UQCRFS1: variants seen among roughly 807,000 people sequenced by gnomAD.
UQCRFS1 encodes cytochrome b-c1 complex subunit Rieske, mitochondrial.
A neutral mutation model predicts 15.6 loss-of-function variants in UQCRFS1; 6 were observed. The ratio of observed to expected loss-of-function variants is 0.38; its 90% CI spans 0.21 to 0.76. The LOEUF (loss-of-function observed/expected upper bound fraction) is 0.76. UQCRFS1 is among the 30% of genes least tolerant of loss of function. UQCRFS1 has a pLI of 0.44. For synonymous variants in UQCRFS1, 105 were observed against 154.3 expected, an observed-to-expected ratio of 0.68 and a Z score of 2.37; for missense variants, 203 against 366.7, an observed-to-expected ratio of 0.55 and a Z score of 3.65.
Position 29,213,138 on chromosome 19 carries a change from G to C in UQCRFS1, c.-20C>G, listed in dbSNP as rs1461552551. The C allele has an allele frequency of 2.0e-5, 31 of 1,519,418 alleles. No individual in the cohort carries two copies. Among genetic ancestry groups the C allele is most frequent in the Non-Finnish European group, 2.6e-5 (30 of 1,139,580 alleles). The allele number at this position is 1,519,418 out of a possible 1,614,324, so 94.1% of individuals were successfully genotyped here. A position where few individuals can be genotyped will look rare whatever the true frequency, so the allele number is the denominator to read the frequency against. ...CAACATGGCGACAGCCGCTCCAACCGCCAAGCCGGTCACAGGGACGACCTT... is the reference window on the plus strand; with the variant it reads ...CAACATGGCGACAGCCGCTCCAACCCCCAAGCCGGTCACAGGGACGACCTT... On this transcript the variant is annotated 5_prime_UTR_variant, in exon 1 of 2. Coordinates refer to ENST00000304863, the MANE Select transcript of UQCRFS1 (RefSeq NM_006003.3).
In UQCRFS1 at chr19:29,208,156, G is replaced by A; in HGVS notation, c.217C>T (p.Pro73Ser). ...GTGTGGGAATAACAAACAGAAGCAGGGACTGCAAGACAAACAGAAGGTTAA... is the reference window on the plus strand; with the variant it reads ...GTGTGGGAATAACAAACAGAAGCAGAGACTGCAAGACAAACAGAAGGTTAA... ...PLVASVGLNVPASVCYSHTDI... is the reference protein window; with the variant it reads ...PLVASVGLNVSASVCYSHTDI... Residue 73 changes from proline (P) to serine (S), a missense_variant and splice_region_variant, in exon 2 of 2, where the codon CCT (proline) becomes TCT (serine). This residue lies in a region of UQCRFS1 where 92 missense variants were observed against 120.5 expected (regional missense o/e 0.76). Coordinates refer to ENST00000304863, the MANE Select transcript of UQCRFS1 (RefSeq NM_006003.3). 1.9e-6 allele frequency: 3 copies of A among 1,606,210 alleles called. No individual in the cohort carries two copies. Among genetic ancestry groups the A allele is most frequent in the Non-Finnish European group, 2.5e-6 (3 of 1,177,030 alleles).
intron 1 of UQCRFS1, 86 bp downstream of exon 1, chr19:29,212,819 G>C: frequency 7.7e-7 from 1 of 1,296,844 alleles, no homozygotes; most frequent in East Asian, 3.2e-5. Context: ...CTCCGCTCGC[G>C]CGCCCGCGGC....
intron 1 of UQCRFS1, among the ~76,000 whole-genome samples, chr19:29,210,427 T>C (rs1976633563): frequency 6.6e-6 from 1 of 151,944 alleles, no homozygotes; most frequent in African/African-American, 2.4e-5. Context: ...TAGTTACATA[T>C]GTATACATGT....
At chr19:29,209,146 ACTATTTTTAAATAT>A (rs55636012) in intron 1 of UQCRFS1, among the ~76,000 whole-genome samples, 141,149 of 151,830 alleles carry the variant, frequency 0.93, 65,627 homozygotes, top group East Asian at 1. Context: ...TCTCTCCAAT[ACTATTTTTAAATAT>A]CTGACCAAAA....
At chr19:29,212,733 G>A (rs953555770) in intron 1 of UQCRFS1, among the ~76,000 whole-genome samples, 172 bp downstream of exon 1, 1 of 152,172 alleles carries the variant, frequency 6.6e-6, no homozygotes, top group Non-Finnish European at 1.5e-5. Flanking sequence ...AGTCCAGGCC[G>A]GCCACCAGAA....
intron 1 of UQCRFS1, among the ~76,000 whole-genome samples, chr19:29,212,281 T>G (rs1976662562): frequency 1.3e-5 from 2 of 152,332 alleles, no homozygotes; most frequent in Middle Eastern, 3.4e-3. Context: ...ACCTCGTCTG[T>G]TTTCTCATCT....
At chr19:29,212,198 G>A (rs1383504654) in intron 1 of UQCRFS1, among the ~76,000 whole-genome samples, 2 of 152,148 alleles carry the variant, frequency 1.3e-5, no homozygotes, top group Non-Finnish European at 1.5e-5. Context: ...AGAGCTCAGT[G>A]GCTACGACAA....
rs1476272561 is a variant in UQCRFS1 at position 29,206,444 on chromosome 19, G to A, written c.*1104C>T. On this transcript the variant is annotated 3_prime_UTR_variant, in exon 2 of 2. Coordinates refer to ENST00000304863, the MANE Select transcript of UQCRFS1 (RefSeq NM_006003.3). ...TTATCAGGTAGACTCAGTAAAGCAC[G>A]ACTGGTCCACCTCTAAACAGCAAAG... 3 of 152,170 alleles carry A rather than the reference G, an allele frequency of 2.0e-5. No individual in the cohort carries two copies. Among genetic ancestry groups the A allele is most frequent in the African/African-American group, 7.2e-5 (3 of 41,434 alleles). The allele number at this position is 152,170 out of a possible 1,614,324, so 9.4% of individuals were successfully genotyped here. A position where few individuals can be genotyped will look rare whatever the true frequency, so the allele number is the denominator to read the frequency against.
rs1482872854 is a variant in UQCRFS1 at position 29,210,144 on chromosome 19, T to C, written c.215-1986A>G. ...GTTGAGCTCCAATGCGCCTTGGAAA[T>C]CTGCATGAAAATAGTACAACCTTCC... On this transcript the variant is annotated intron_variant, in intron 1 of 1. Transcript: ENST00000304863. Among the ~76,000 whole-genome samples the C allele has an allele frequency of 3.9e-4, 60 of 152,162 alleles. 1 individual carries two copies. The highest frequency in any genetic ancestry group is 8.8e-5 in the Non-Finnish European group (6 of 68,030).
Position 29,207,624 on chromosome 19 carries a change from C to G in UQCRFS1, c.749G>C (p.Arg250Thr). 1 of 1,614,000 alleles carries G rather than the reference C, an allele frequency of 6.2e-7. No individual in the cohort carries two copies. The highest frequency in any genetic ancestry group is 8.5e-7 in the Non-Finnish European group (1 of 1,179,874). ...AAGGTTGAGAGGAGCAGGACCCAAT[C>G]TGATCCTGCCAGATGCATCATAGTG... ...GSHYDASGRI[R>T]LGPAPLNLEV... is the part of the protein sequence containing the mutation. The change falls in exon 2 of 2, where the codon AGA (arginine) becomes ACA (threonine). Residue 250 changes from arginine (R) to threonine (T), a missense_variant. Physicochemically the swap from Arg to Thr is moderately conservative, Grantham distance 71 (BLOSUM62 -1). Coordinates refer to ENST00000304863, the MANE Select transcript of UQCRFS1 (RefSeq NM_006003.3).
At chr19:29,211,352 T>C (rs35923562) in intron 1 of UQCRFS1, among the ~76,000 whole-genome samples, 3 of 152,200 alleles carry the variant, frequency 2.0e-5, no homozygotes, top group Non-Finnish European at 4.4e-5. Flanking sequence ...ACACGACGAA[T>C]TCCAAAGATG....
intron 1 of UQCRFS1, among the ~76,000 whole-genome samples, chr19:29,209,935 C>T (rs1190050753): frequency 6.6e-6 from 1 of 152,152 alleles, no homozygotes; most frequent in Non-Finnish European, 1.5e-5. Context: ...TAGTAGGCTA[C>T]ACCACCAAGA....
At chr19:29,209,129 AC>A (rs1976620351) in intron 1 of UQCRFS1, among the ~76,000 whole-genome samples, 1 of 152,168 alleles carries the variant, frequency 6.6e-6, no homozygotes, top group East Asian at 1.9e-4. Flanking sequence ...AGACACAGTT[AC>A]ATCCCTCTCT....
intron 1 of UQCRFS1, among the ~76,000 whole-genome samples, chr19:29,209,797 A>G (rs1001615950): frequency 5.3e-5 from 8 of 152,222 alleles, no homozygotes; most frequent in Non-Finnish European, 1.2e-4. Context: ...TACATTAAAA[A>G]CAGTATCCAC....
In UQCRFS1 at chr19:29,206,234, C is replaced by T. The variant is rs1211349381; in HGVS notation, c.*1314G>A. 6.6e-6 allele frequency: 1 copy of T among 152,018 alleles called. No homozygotes were observed. The highest frequency in any genetic ancestry group is 1.5e-5 in the Non-Finnish European group (1 of 68,010). 9.4% of individuals were successfully genotyped at this position (152,018 alleles called of 1,614,324 possible). A position where few individuals can be genotyped will look rare whatever the true frequency, so the allele number is the denominator to read the frequency against. ...CACCAATTATCACACATGCTAATTT[C>T]ATTTCTAGAATGGTAAAAATGAAGC... On this transcript the variant is annotated 3_prime_UTR_variant, in exon 2 of 2. Coordinates refer to ENST00000304863, the MANE Select transcript of UQCRFS1 (RefSeq NM_006003.3).
chr19:29,209,099 T>C (rs1976620013), intron 1 of UQCRFS1, among the ~76,000 whole-genome samples: 1 of 149,598 alleles, frequency 6.7e-6, no homozygotes, highest in Non-Finnish European at 1.5e-5. Context: ...GTTTCTTTGG[T>C]AGTTTAAAAA....
chr19:29,212,754 A>C, intron 1 of UQCRFS1, 151 bp downstream of exon 1: 1 of 815,358 alleles, frequency 1.2e-6, no homozygotes. Flanking sequence ...AGACGCCCCG[A>C]GCCCGGGGGC....
chr19:29,213,035 G>T lies in UQCRFS1; in HGVS notation c.84C>A (p.Pro28=). 2.8e-6 allele frequency: 4 copies of T among 1,436,374 alleles called. No homozygotes were observed. The highest frequency in any genetic ancestry group is 3.6e-6 in the Non-Finnish European group (4 of 1,108,450). 89.0% of individuals were successfully genotyped at this position (1,436,374 alleles called of 1,614,324 possible). A position where few individuals can be genotyped will look rare whatever the true frequency, so the allele number is the denominator to read the frequency against. The part of the protein sequence containing the change: ...TSRGVAGALR[P]LVQATVPATP... The stretch of plus-strand genomic sequence containing the variant: ...TGGCGGGCACCGTGGCCTGCACCAA[G>T]GGCCGCAGCGCGCCCGCCACCCCGC... Residue 28 remains proline (P), a synonymous_variant, in exon 1 of 2, where the codon CCC becomes CCA. Transcript: ENST00000304863.
At chr19:29,210,611 T>C (rs2145207129) in intron 1 of UQCRFS1, among the ~76,000 whole-genome samples, 1 of 151,252 alleles carries the variant, frequency 6.6e-6, no homozygotes, top group East Asian at 2.0e-4. Flanking sequence ...ACATGCAGTG[T>C]TTGTTTTTTG....
Sources: gnomAD v4.1 joint callset for allele counts (sites outside exome capture counted in the v4.1 genomes callset) on GRCh38, gnomAD v4.1.1 for gene constraint, gnomAD v4.1.1 regional missense constraint, MANE v1.5 for transcripts, NCBI Gene and HGNC (gene_info 2026-07-23, HGNC 2026-07-21) for gene names.